Variants in FLOT2 observed in about 807,000 individuals in gnomAD.
FLOT2 encodes the protein flotillin-2.
A neutral mutation model predicts 54.9 loss-of-function variants in FLOT2; 35 were observed. The observed-to-expected ratio is 0.64, with a 90% confidence interval of 0.49 to 0.84. The LOEUF is 0.84. Among genes scored for constraint, FLOT2 ranks in the 40% least tolerant of loss-of-function variants. The pLI is 0.00. For synonymous variants in FLOT2, 207 were observed against 228.9 expected (o/e 0.90, Z 0.86); for missense variants, 464 against 572.1 (o/e 0.81, Z 1.93).
Position 28,884,350 on chromosome 17 carries a change from G to A in FLOT2, c.132-35C>T. The A allele has an allele frequency of 7.1e-7, 1 of 1,411,790 alleles. No homozygotes were observed. Among genetic ancestry groups the A allele is most frequent in the Non-Finnish European group, 9.9e-7 (1 of 1,008,470 alleles). The allele number at this position is 1,411,790 out of a possible 1,614,324, so 87.5% of individuals were successfully genotyped here. ...AACGCAAAACAGGGGCATGGGTCTGGGGGCGCAGGGCCTGGTGGTGTTGGG... is the reference window on the plus strand; with the variant it reads ...AACGCAAAACAGGGGCATGGGTCTGAGGGCGCAGGGCCTGGTGGTGTTGGG... On this transcript the variant is annotated intron_variant, in intron 2 of 10. Transcript: ENST00000394908. This position sits in a 1 kb window ranked among gnomAD's most constrained non-coding sequence, Gnocchi z 5.1.
At chr17:28,886,332 G>GC (rs1190389773) in intron 2 of FLOT2, among the ~76,000 whole-genome samples, 9 of 152,216 alleles carry the variant, frequency 5.9e-5, no homozygotes, top group East Asian at 3.8e-4. Context: ...CTGAGGCTTA[G>GC]CCCCCCGTCT....
chr17:28,879,822 CA>C lies in FLOT2; in HGVS notation c.*738del. The C allele has an allele frequency of 1.0e-6, 1 of 986,144 alleles. No individual in the cohort carries two copies. The highest frequency in any genetic ancestry group is 1.2e-6 in the Non-Finnish European group (1 of 830,166). The allele number at this position is 986,144 out of a possible 1,614,324, so 61.1% of individuals were successfully genotyped here. Reference sequence around the variant, plus strand: ...CCAAACCGCACCGCCCCAGCAGGAACATGCCCATGAAGAGGCCTTCCCTGAG... The same window carrying C: ...CCAAACCGCACCGCCCCAGCAGGAACTGCCCATGAAGAGGCCTTCCCTGAG... On this transcript the variant is annotated 3_prime_UTR_variant, in exon 11 of 11. Coordinates refer to ENST00000394908, the MANE Select transcript of FLOT2 (RefSeq NM_004475.3).
At position 28,883,808 on chromosome 17, in the gene FLOT2, C is replaced by A. The variant is rs745323522; in HGVS notation, c.222+417G>T. On this transcript the variant is annotated intron_variant, in intron 3 of 10. Transcript: ENST00000394908. The surrounding 1 kb of genome is among the most constrained non-coding windows in gnomAD (Gnocchi z 5.0). ...CCCTCAGCAGGGGATATGATGCAGC[C>A]TCCGACTCCCAGAGTCCAGAGCTCC... Among the ~76,000 whole-genome samples the A allele has an allele frequency of 2.6e-5, 4 of 152,244 alleles. No individual in the cohort carries two copies. The highest frequency in any genetic ancestry group is 6.5e-5 in the Admixed American group (1 of 15,286).
At chr17:28,888,510 C>T (rs1446033680) in intron 2 of FLOT2, among the ~76,000 whole-genome samples, 1 of 152,226 alleles carries the variant, frequency 6.6e-6, no homozygotes, top group African/African-American at 2.4e-5. Flanking sequence ...TGGATTACCC[C>T]AGGGCCTGCA....
At position 28,883,785 on chromosome 17, in the gene FLOT2, C is replaced by T. The variant is rs1352915298; in HGVS notation, c.222+440G>A. On this transcript the variant is annotated intron_variant, in intron 3 of 10. Coordinates refer to ENST00000394908, the MANE Select transcript of FLOT2 (RefSeq NM_004475.3). The surrounding 1 kb of genome is among the most constrained non-coding windows in gnomAD (Gnocchi z 5.0). ...GGGGCAGGAAGCCCTCACCTAGGCC[C>T]TCAGCAGGGGATATGATGCAGCCTC... Among the ~76,000 whole-genome samples, 1 of 152,126 alleles carries T rather than the reference C, an allele frequency of 6.6e-6. No homozygotes were observed. Among genetic ancestry groups the T allele is most frequent in the Non-Finnish European group, 1.5e-5 (1 of 68,024 alleles).
At chr17:28,881,462 T>G (rs2039446594) in intron 8 of FLOT2, 87 bp from the exon 9 acceptor site, 9 of 1,357,730 alleles carry the variant, frequency 6.6e-6, no homozygotes, top group Middle Eastern at 1.9e-4. Flanking sequence ...CTTCAAACCC[T>G]CTGCTCTGGG....
rs532662004 is a variant in FLOT2 at position 28,881,751 on chromosome 17, G to C, written c.914+63C>G. 2.8e-6 allele frequency: 4 copies of C among 1,425,718 alleles called. No individual in the cohort carries two copies. The South Asian group carries it at 4.7e-5, about 17-fold the overall frequency. The allele number at this position is 1,425,718 out of a possible 1,614,324, so 88.3% of individuals were successfully genotyped here. A position where few individuals can be genotyped will look rare whatever the true frequency, so the allele number is the denominator to read the frequency against. The stretch of plus-strand genomic sequence containing the variant: ...CCAAGCTGTGGTCAGGAGAGTAGAG[G>C]GAGTGCACTGAAGGCAGAGGAGCCT... On this transcript the variant is annotated intron_variant, in intron 8 of 10. Coordinates refer to ENST00000394908, the MANE Select transcript of FLOT2 (RefSeq NM_004475.3).
chr17:28,882,027 G>T lies in FLOT2; in HGVS notation c.701C>A (p.Thr234Lys). The part of the protein sequence containing the change: ...SAFSEEVNIK[T>K]AEAQLAYELQ... ...CTCATAGGCCAACTGGGCCTCAGCT[G>T]TCTGTGGCAAGAGGGTGTGTGGCAC... The change falls in exon 8 of 11, where the codon ACA becomes AAA. Residue 234 changes from threonine to lysine, a missense_variant and splice_region_variant. Coordinates refer to ENST00000394908, the MANE Select transcript of FLOT2 (RefSeq NM_004475.3). This position sits in a 1 kb window ranked among gnomAD's most constrained non-coding sequence, Gnocchi z 5.6. 6.2e-7 allele frequency: 1 copy of T among 1,614,174 alleles called. No homozygotes were observed. Among genetic ancestry groups the T allele is most frequent in the Non-Finnish European group, 8.5e-7 (1 of 1,180,020 alleles).
chr17:28,893,411 CT>C (rs11300363), intron 1 of FLOT2: 45,848 of 136,140 alleles, frequency 0.34, 8,722 homozygotes, highest in African/African-American at 0.57. Flanking sequence ...CCTCCACCTT[CT>C]TTTTTTTTTT....
rs919221146 is a variant in FLOT2, at chr17:28,883,293, C to T, written c.223-62G>A. 6 of 1,605,286 alleles carry T rather than the reference C, an allele frequency of 3.7e-6. No homozygotes were observed. The highest frequency in any genetic ancestry group is 2.2e-5 in the East Asian group (1 of 44,812). ...AGCGAGGCAGACAAAGGCCCCAGAC[C>T]CAGAGGTAGGCAGGATGGTGGCTGT... On this transcript the variant is annotated intron_variant, in intron 3 of 10. Coordinates refer to ENST00000394908, the MANE Select transcript of FLOT2 (RefSeq NM_004475.3). The surrounding 1 kb of genome is among the most constrained non-coding windows in gnomAD (Gnocchi z 5.0).
At position 28,882,991 on chromosome 17, in the gene FLOT2, G is replaced by A. The variant is rs1006429630; in HGVS notation, c.346+117C>T. The A allele has an allele frequency of 2.7e-6, 3 of 1,101,544 alleles. No individual in the cohort carries two copies. Among genetic ancestry groups the A allele is most frequent in the East Asian group, 4.9e-5 (2 of 41,184 alleles). The allele number at this position is 1,101,544 out of a possible 1,614,324, so 68.2% of individuals were successfully genotyped here. A position where few individuals can be genotyped will look rare whatever the true frequency, so the allele number is the denominator to read the frequency against. On this transcript the variant is annotated intron_variant, in intron 4 of 10. Coordinates refer to ENST00000394908, the MANE Select transcript of FLOT2 (RefSeq NM_004475.3). The surrounding 1 kb of genome is among the most constrained non-coding windows in gnomAD (Gnocchi z 5.6). The stretch of plus-strand genomic sequence containing the variant: ...TGAAGTTTTGAAATTAAATATTTGA[G>A]GAAAAGTGTTTTAGCTTGAAACTCC...
chr17:28,881,845 GGGCCTCGGCCTCGGCA>G lies in FLOT2; in HGVS notation c.867_882del (p.Ala290ThrfsTer12). On this transcript the variant is annotated frameshift_variant, in exon 8 of 11. Transcript: ENST00000394908. LOFTEE classifies it high-confidence loss of function. ...CCCTCGGCAATCTGCTGGATGCGGT[GGGCCTCGGCCTCGGCA>G]GGCCGGCGCACTGTAGCGATGAGCT... 1 of 1,613,580 alleles carries G rather than the reference GGGCCTCGGCCTCGGCA, an allele frequency of 6.2e-7. No homozygotes were observed. Among genetic ancestry groups the G allele is most frequent in the Non-Finnish European group, 8.5e-7 (1 of 1,180,042 alleles).
rs754118336 is a variant in FLOT2, at chr17:28,882,137, C to A, written c.680G>T (p.Ser227Ile). 3.7e-6 allele frequency: 6 copies of A among 1,614,218 alleles called. No homozygotes were observed. The South Asian group carries it at 6.6e-5, about 18-fold the overall frequency. ...GCTCACCTTGATGTTAACCTCCTCA[C>A]TGAAGGCTGACTTTTGCAGCTCGAA... ...RAFELQKSAF[S>I]EEVNIKTAEA... The change falls in exon 7 of 11, where the codon AGT (serine) becomes ATT (isoleucine). Residue 227 changes from serine (S) to isoleucine (I), a missense_variant. By Grantham distance (142) the Ser-to-Ile change is moderately radical. Transcript: ENST00000394908. The surrounding 1 kb of genome is among the most constrained non-coding windows in gnomAD (Gnocchi z 5.6).
chr17:28,879,682 C>T lies in FLOT2; in HGVS notation c.*879G>A, dbSNP rs1192636343. On this transcript the variant is annotated 3_prime_UTR_variant, in exon 11 of 11. Transcript: ENST00000394908. ...TGTACAGGGTTGGCACAGCCTTGTC[C>T]ACCAGAAGGGCCCAACACCCAGGAC... The T allele has an allele frequency of 5.0e-5, 49 of 985,908 alleles. No homozygotes were observed. The highest frequency in any genetic ancestry group is 1.1e-4 in the East Asian group (1 of 8,828). 61.1% of individuals were successfully genotyped at this position (985,908 alleles called of 1,614,324 possible).
intron 2 of FLOT2, chr17:28,885,902 A>G (rs2039533273): frequency 6.5e-7 from 1 of 1,550,274 alleles, no homozygotes; most frequent in African/African-American, 1.4e-5. Context: ...CCGACGTCTC[A>G]ATATTCTCAC....
rs368711708 is a variant in FLOT2 at position 28,882,609 on chromosome 17, G to A, written c.429C>T (p.Gly143=). ...LVREVAAPDV[G]RMGIEILSFT... ...AGCTGAGGATCTCAATGCCCATGCG[G>A]CCAACATCAGGGGCTGCCACCTCCC... The change falls in exon 5 of 11, where the codon GGC becomes GGT. Residue 143 remains glycine (G), a synonymous_variant. Coordinates refer to ENST00000394908, the MANE Select transcript of FLOT2 (RefSeq NM_004475.3). The surrounding 1 kb of genome is among the most constrained non-coding windows in gnomAD (Gnocchi z 5.6). 3.1e-6 allele frequency: 5 copies of A among 1,613,426 alleles called. No homozygotes were observed. The highest frequency in any genetic ancestry group is 4.2e-6 in the Non-Finnish European group (5 of 1,179,544).
At chr17:28,889,127 T>C (rs2039601553) in intron 1 of FLOT2, 101 bp from the exon 2 acceptor site, 1 of 893,740 alleles carries the variant, frequency 1.1e-6, no homozygotes, top group African/African-American at 1.6e-5. Flanking sequence ...CTCTGATACT[T>C]GACAACGCCT....
Position 28,889,266 on chromosome 17 carries a change from T to C in FLOT2, c.50-240A>G, listed in dbSNP as rs1364303569. ...AGAGAAGGATAGCCAATGAATAGTT[T>C]AGAATGTAAGTGCTTCCAGAGAAAA... On this transcript the variant is annotated intron_variant, in intron 1 of 10. Coordinates refer to ENST00000394908, the MANE Select transcript of FLOT2 (RefSeq NM_004475.3). Among the ~76,000 whole-genome samples, 3 of 152,098 alleles carry C rather than the reference T, an allele frequency of 2.0e-5. 1 individual carries two copies. The highest frequency in any genetic ancestry group is 2.0e-4 in the Admixed American group (3 of 15,268).
Position 28,880,769 on chromosome 17 carries a change from G to T in FLOT2, c.1192C>A (p.Leu398Met), listed in dbSNP as rs369098535. The T allele has an allele frequency of 1.6e-4, 261 of 1,614,138 alleles. 1 individual carries two copies. The highest frequency in any genetic ancestry group is 2.2e-4 in the Non-Finnish European group (259 of 1,180,058). The change falls in exon 10 of 11, where the codon CTG becomes ATG. Residue 398 changes from leucine (L) to methionine (M), a missense_variant. Transcript: ENST00000394908. ...ACAGAGGCAGGCAGCTCGGCCAGCA[G>T]TCGGTTCACTTCTGATGTGACCTTA... ...NSKVTSEVNRLLAELPASVHA... is the reference protein window; with the variant it reads ...NSKVTSEVNRMLAELPASVHA...
Sources: allele counts gnomAD v4.1 joint callset (sites outside exome capture counted in the v4.1 genomes callset), GRCh38; gene constraint gnomAD v4.1.1; non-coding constraint Gnocchi (gnomAD v3.1); transcripts MANE v1.5; gene names NCBI Gene and HGNC (gene_info 2026-07-23, HGNC 2026-07-21).